The following PTPRD variants were observed in gnomAD, a reference collection of about 807,000 sequenced individuals.
PTPRD encodes the protein protein tyrosine phosphatase receptor type D, also known as receptor-type tyrosine-protein phosphatase delta.
In PTPRD, 34 loss-of-function variants were observed where a neutral mutation model predicts 214.5. The observed-to-expected ratio is 0.16, with a 90% CI of 0.12 to 0.21. PTPRD has a LOEUF of 0.21. Ranked by LOEUF, PTPRD falls within the 10% of genes least tolerant of loss-of-function variation. The pLI, the probability that PTPRD is intolerant of heterozygous loss-of-function variation, is 1.00. For missense variants in PTPRD, 2,545 were observed against 2,398.7 expected, an observed-to-expected ratio of 1.06 and a Z score of -1.27; for synonymous variants, 1,128 against 845.7, an observed-to-expected ratio of 1.33 and a Z score of -5.79.
intron 14 of PTPRD, among the ~76,000 whole-genome samples, chr9:8,616,478 A>C (rs140615738): frequency 1.3e-5 from 2 of 152,244 alleles, no homozygotes; most frequent in East Asian, 3.9e-4. Context: ...AGTATTTCAA[A>C]ACTGAACACA....
intron 9 of PTPRD, among the ~76,000 whole-genome samples, chr9:9,280,781 G>A (rs1287348116): frequency 6.6e-6 from 1 of 151,154 alleles, no homozygotes; most frequent in African/African-American, 2.4e-5. Flanking sequence ...CAAACTGATT[G>A]TAAAGTTTAT....
At chr9:9,933,917 A>G (rs2087943565) in intron 5 of PTPRD, among the ~76,000 whole-genome samples, 1 of 147,402 alleles carries the variant, frequency 6.8e-6, no homozygotes, top group South Asian at 2.1e-4. Flanking sequence ...ACTCAGGATT[A>G]AGAATCTCAC....
rs557556174 is a variant in PTPRD at position 9,355,360 on chromosome 9, G to C, written c.-203+42089C>G. On this transcript the variant is annotated intron_variant, in intron 9 of 45. Coordinates refer to ENST00000381196, the MANE Select transcript of PTPRD (RefSeq NM_002839.4). ...GAAATTTAGGCTACAGATGACTATG[G>C]TTTGGACCAGTTTTAGGAGCGGAGG... 3.6e-4 allele frequency among the ~76,000 whole-genome samples: 50 copies of C among 137,766 alleles called. 1 individual carries two copies. The Middle Eastern group carries it at 0.015, about 41-fold the overall frequency. The allele number at this position is 137,766 out of a possible 152,430, so 90.4% of individuals were successfully genotyped here. A position where few individuals can be genotyped will look rare whatever the true frequency, so the allele number is the denominator to read the frequency against.
At chr9:8,841,781 G>A (rs2097563281) in intron 11 of PTPRD, among the ~76,000 whole-genome samples, 1 of 151,934 alleles carries the variant, frequency 6.6e-6, no homozygotes, top group South Asian at 2.1e-4. Flanking sequence ...GGAGGCCAAG[G>A]CGGGTGGATC....
At chr9:10,593,948 T>G (rs1478352241) in intron 2 of PTPRD, among the ~76,000 whole-genome samples, 1 of 152,016 alleles carries the variant, frequency 6.6e-6, no homozygotes, top group African/African-American at 2.4e-5. Flanking sequence ...ATTACAGTTT[T>G]CTGCTTTGTC....
At chr9:10,527,163 T>C (rs193169013) in intron 2 of PTPRD, among the ~76,000 whole-genome samples, 1 of 152,268 alleles carries the variant, frequency 6.6e-6, no homozygotes, top group Admixed American at 6.5e-5. Context: ...AAACTAAGAA[T>C]AAACAATTAA....
intron 20 of PTPRD, 40 bp downstream of exon 20, chr9:8,521,237 A>T (rs2138841546): frequency 6.3e-7 from 1 of 1,576,690 alleles, no homozygotes; most frequent in South Asian, 1.2e-5. Context: ...ACTTGGCTTG[A>T]GTGTACCCAG....
chr9:9,802,576 G>A (rs1483248810), intron 5 of PTPRD, among the ~76,000 whole-genome samples: 1 of 151,624 alleles, frequency 6.6e-6, no homozygotes, highest in Non-Finnish European at 1.5e-5. Context: ...TGTATGTTTG[G>A]AAACTTTTTG....
At chr9:8,577,390 G>T (rs886656185) in intron 14 of PTPRD, among the ~76,000 whole-genome samples, 1 of 152,048 alleles carries the variant, frequency 6.6e-6, no homozygotes, top group Admixed American at 6.6e-5. Flanking sequence ...CGAGTAGCTG[G>T]GATTATAGGC....
intron 2 of PTPRD, among the ~76,000 whole-genome samples, chr9:10,418,497 ACT>A (rs1491506728): frequency 5.9e-5 from 8 of 135,200 alleles, no homozygotes; most frequent in African/African-American, 2.0e-4. Flanking sequence ...ACACACACAC[ACT>A]TCATATCCTT....
At chr9:10,107,923 T>A (rs66585628) in intron 3 of PTPRD, among the ~76,000 whole-genome samples, 18,376 of 152,178 alleles carry the variant, frequency 0.12, 1,226 homozygotes, top group South Asian at 0.27. Context: ...CTGGCATTAT[T>A]AATAATTTCT....
chr9:9,050,185 T>C (rs1019159789), intron 10 of PTPRD, among the ~76,000 whole-genome samples: 12 of 152,226 alleles, frequency 7.9e-5, no homozygotes, highest in Admixed American at 6.5e-4. Context: ...AATGACAAAA[T>C]ACATTAGAAT....
At chr9:8,335,453 T>G (rs1011555008) in intron 43 of PTPRD, among the ~76,000 whole-genome samples, 1 of 152,136 alleles carries the variant, frequency 6.6e-6, no homozygotes, top group African/African-American at 2.4e-5. Context: ...CACTTTGTGC[T>G]AACAACTCTC....
intron 33 of PTPRD, among the ~76,000 whole-genome samples, chr9:8,453,226 C>A (rs910991750): frequency 6.6e-6 from 1 of 152,088 alleles, no homozygotes; most frequent in Non-Finnish European, 1.5e-5. Context: ...TGCAGTGGTG[C>A]GATCTCGGCT....
At chr9:9,879,124 C>G (rs1043715957) in intron 5 of PTPRD, among the ~76,000 whole-genome samples, 3 of 152,198 alleles carry the variant, frequency 2.0e-5, no homozygotes, top group African/African-American at 7.2e-5. Context: ...ATAATTTAGC[C>G]TTAGGCTCCA....
intron 12 of PTPRD, among the ~76,000 whole-genome samples, chr9:8,653,429 G>C (rs1490131944): frequency 6.6e-6 from 1 of 152,014 alleles, no homozygotes; most frequent in Admixed American, 6.5e-5. Flanking sequence ...CAATATAAAG[G>C]TTCTGCCATC....
intron 4 of PTPRD, among the ~76,000 whole-genome samples, chr9:10,019,229 A>G (rs1413217963): frequency 2.0e-5 from 3 of 152,216 alleles, no homozygotes; most frequent in Non-Finnish European, 4.4e-5. Context: ...ACAGTGAGAT[A>G]CCATCTCACA....
chr9:8,949,043 G>A (rs916756899), intron 11 of PTPRD, among the ~76,000 whole-genome samples: 9 of 151,854 alleles, frequency 5.9e-5, no homozygotes, highest in African/African-American at 2.2e-4. Flanking sequence ...GACTAACATG[G>A]TGAAACCCCG....
intron 11 of PTPRD, among the ~76,000 whole-genome samples, chr9:8,740,293 C>G (rs540838145): frequency 6.6e-6 from 1 of 151,970 alleles, no homozygotes; most frequent in Non-Finnish European, 1.5e-5. Context: ...TTAAAGATGG[C>G]GTTTCATACT....
Sources: gnomAD v4.1 joint callset for allele counts (sites outside exome capture counted in the v4.1 genomes callset) on GRCh38, gnomAD v4.1.1 for gene constraint, MANE v1.5 for transcripts, NCBI Gene and HGNC (gene_info 2026-07-23, HGNC 2026-07-21) for gene names.